Variants in TPD52L1 observed in about 807,000 individuals in gnomAD.
TPD52L1 encodes tumor protein D53.
Under a neutral mutation model 28.7 loss-of-function variants are expected in TPD52L1, and 18 were observed. The observed-to-expected ratio is 0.63, with a 90% CI of 0.43 to 0.93. The LOEUF is 0.93. Among genes scored for constraint, TPD52L1 ranks in the 40% least tolerant of loss-of-function variants. The pLI is 0.00. For synonymous variants in TPD52L1, 75 were observed against 88.8 expected, an observed-to-expected ratio of 0.84 and a Z score of 0.88; for missense variants, 203 against 254.8, an observed-to-expected ratio of 0.80 and a Z score of 1.39.
Position 125,229,137 on chromosome 6 carries a change from C to T in TPD52L1, c.155C>T (p.Thr52Ile), listed in dbSNP as rs181495605. Reference protein sequence around the residue: ...ELVQLEDEITTLRQVLSAKER... With the variant: ...ELVQLEDEITILRQVLSAKER... The stretch of plus-strand genomic sequence containing the variant: ...TTGTAGCTAGAAGACGAAATTACAA[C>T]ACTACGACAAGTTTTGTCAGCGAAA... The change falls in exon 3 of 7, where the codon ACA (threonine) becomes ATA (isoleucine). Residue 52 changes from threonine (T) to isoleucine (I), a missense_variant. Coordinates refer to ENST00000534000, the MANE Select transcript of TPD52L1 (RefSeq NM_003287.4). The T allele has an allele frequency of 8.1e-6, 13 of 1,613,200 alleles. No homozygotes were observed. In the African/African-American group the frequency reaches 1.6e-4, roughly 20 times the overall value.
At chr6:125,261,180 G>C (rs1194355995) in intron 6 of TPD52L1, 3 of 152,052 alleles carry the variant, frequency 2.0e-5, no homozygotes, top group Non-Finnish European at 4.4e-5. Context: ...AGTATTTACT[G>C]TCTGGCCCTT....
At chr6:125,204,197 A>G (rs1793968508) in intron 1 of TPD52L1, among the ~76,000 whole-genome samples, 1 of 152,188 alleles carries the variant, frequency 6.6e-6, no homozygotes, top group South Asian at 2.1e-4. Flanking sequence ...TGGCTTTAGC[A>G]TTTGTTTTAC....
chr6:125,198,624 G>T (rs1472321832), intron 1 of TPD52L1, among the ~76,000 whole-genome samples: 2 of 152,312 alleles, frequency 1.3e-5, no homozygotes, highest in African/African-American at 4.8e-5. Flanking sequence ...ATAAATTAGG[G>T]ATGTGTATAA....
chr6:125,154,408 T>C, intron 1 of TPD52L1: 1 of 991,984 alleles, frequency 1.0e-6, no homozygotes, highest in Non-Finnish European at 1.2e-6. Flanking sequence ...AGTTAGGGAG[T>C]GAGAGGATCG....
intron 1 of TPD52L1, among the ~76,000 whole-genome samples, chr6:125,158,298 T>C (rs1347251820): frequency 6.6e-6 from 1 of 152,204 alleles, no homozygotes; most frequent in African/African-American, 2.4e-5. Flanking sequence ...ATGAATGAAA[T>C]AAAGCAATAA....
intron 1 of TPD52L1, among the ~76,000 whole-genome samples, chr6:125,156,987 GA>G (rs1228898606): frequency 6.6e-5 from 10 of 152,200 alleles, no homozygotes; most frequent in Non-Finnish European, 8.8e-5. Flanking sequence ...AGTTATTTAA[GA>G]AAAAACTTCT....
At chr6:125,221,478 A>G (rs1057146187) in intron 2 of TPD52L1, among the ~76,000 whole-genome samples, 3 of 152,202 alleles carry the variant, frequency 2.0e-5, no homozygotes, top group Non-Finnish European at 1.5e-5. Flanking sequence ...CATCATGGTG[A>G]TAATGCTAGT....
chr6:125,237,631 T>C (rs868736574), intron 3 of TPD52L1, among the ~76,000 whole-genome samples: 8 of 152,288 alleles, frequency 5.3e-5, no homozygotes, highest in Admixed American at 2.6e-4. Flanking sequence ...CAGTCCATAG[T>C]GTAATAATGT....
rs1471146514 is a variant in TPD52L1 at position 125,153,981 on chromosome 6, G to A, written c.19+11G>A. 6 of 1,606,076 alleles carry A rather than the reference G, an allele frequency of 3.7e-6. No individual in the cohort carries two copies. The South Asian group carries it at 6.7e-5, about 18-fold the overall frequency. On this transcript the variant is annotated intron_variant, in intron 1 of 6. Coordinates refer to ENST00000534000, the MANE Select transcript of TPD52L1 (RefSeq NM_003287.4). ...AGGCGCAGGCACAAGGTGAGTGGTC[G>A]CCGATCGCCCCGAGAGTCAGGTCCT...
intron 1 of TPD52L1, among the ~76,000 whole-genome samples, chr6:125,217,159 G>A (rs895678081): frequency 6.6e-6 from 1 of 152,112 alleles, no homozygotes; most frequent in Non-Finnish European, 1.5e-5. Flanking sequence ...GTTCCCTAAG[G>A]CAGCAGTCCC....
intron 3 of TPD52L1, among the ~76,000 whole-genome samples, chr6:125,237,369 G>A (rs1447080878): frequency 1.3e-5 from 2 of 152,104 alleles, no homozygotes; most frequent in African/African-American, 4.8e-5. Context: ...AGTAGTGGAA[G>A]CAGTGAGAAA....
At chr6:125,154,136 T>G (rs918144256) in intron 1 of TPD52L1, 166 bp downstream of exon 1, 5 of 1,399,966 alleles carry the variant, frequency 3.6e-6, no homozygotes, top group South Asian at 3.1e-5. Context: ...CTGCCCAAAC[T>G]CAGGATTTGC....
At chr6:125,253,946 A>C in intron 5 of TPD52L1, 191 bp downstream of exon 5, 1 of 760,748 alleles carries the variant, frequency 1.3e-6, no homozygotes, top group Non-Finnish European at 2.4e-6. Context: ...CCTGGCTTAA[A>C]TCTAGTCTTT....
chr6:125,166,545 T>C (rs1474210751), intron 1 of TPD52L1, among the ~76,000 whole-genome samples: 1 of 152,162 alleles, frequency 6.6e-6, no homozygotes, highest in Non-Finnish European at 1.5e-5. Flanking sequence ...AAACTTTTTT[T>C]CTACCCTCTT....
intron 6 of TPD52L1, chr6:125,261,561 G>C (rs1798058437): frequency 1.3e-5 from 2 of 150,936 alleles, no homozygotes; most frequent in African/African-American, 4.9e-5. Context: ...TTTGCATCTT[G>C]TCAAGCAGAC....
intron 1 of TPD52L1, chr6:125,154,424 C>G: frequency 1.0e-6 from 1 of 989,022 alleles, no homozygotes. Context: ...GATCGCCCGC[C>G]GAGGGGGTGG....
At chr6:125,209,855 C>A (rs1794384062) in intron 1 of TPD52L1, among the ~76,000 whole-genome samples, 1 of 152,124 alleles carries the variant, frequency 6.6e-6, no homozygotes. Context: ...CCTCTGCAGG[C>A]TTAGAGGAAG....
intron 6 of TPD52L1, chr6:125,260,447 C>T (rs1220714602): frequency 2.0e-5 from 3 of 152,140 alleles, no homozygotes; most frequent in Admixed American, 6.5e-5. Context: ...AATAATATTT[C>T]GTGACATTTG....
At chr6:125,173,269 G>A (rs1176628140) in intron 1 of TPD52L1, among the ~76,000 whole-genome samples, 2 of 152,182 alleles carry the variant, frequency 1.3e-5, no homozygotes, top group African/African-American at 2.4e-5. Flanking sequence ...GCTGTTTCTG[G>A]CTCAATCATT....
Sources: gnomAD v4.1 joint callset for allele counts (sites outside exome capture counted in the v4.1 genomes callset) on GRCh38, gnomAD v4.1.1 for gene constraint, MANE v1.5 for transcripts, NCBI Gene and HGNC (gene_info 2026-07-23, HGNC 2026-07-21) for gene names.